CELSR1: variants seen among roughly 807,000 people sequenced by gnomAD.
The protein encoded by CELSR1 is cadherin EGF LAG seven-pass G-type receptor 1.
In CELSR1, 110 loss-of-function variants were observed where a neutral mutation model predicts 249.1. That is an observed-to-expected ratio of 0.44 (90% CI 0.38 to 0.52). CELSR1 has a LOEUF of 0.52. Ranked by LOEUF, CELSR1 falls within the 20% of genes least tolerant of loss-of-function variation. The pLI, the probability that CELSR1 is intolerant of heterozygous loss-of-function variation, is 0.00. For synonymous variants in CELSR1, 2,113 were observed against 1,900.0 expected, an observed-to-expected ratio of 1.11 and a Z score of -2.92; for missense variants, 4,109 against 4,296.4, an observed-to-expected ratio of 0.96 and a Z score of 1.22.
At chr22:46,367,967 T>C (rs1036010305) in intron 27 of CELSR1, 112 bp from the exon 28 acceptor site, 1 of 1,388,386 alleles carries the variant, frequency 7.2e-7, no homozygotes, top group African/African-American at 1.4e-5. Flanking sequence ...CATCTATCTG[T>C]CCGTCCACCT....
chr22:46,441,423 A>G lies in CELSR1; in HGVS notation c.4184-2012T>C, dbSNP rs1190210634. ...GTGTGGGGCAGCCTAATTTGATGCCAACTCAAACAGACAGAATGAAAACAC... is the reference window on the plus strand; with the variant it reads ...GTGTGGGGCAGCCTAATTTGATGCCGACTCAAACAGACAGAATGAAAACAC... On this transcript the variant is annotated intron_variant, in intron 2 of 34. Transcript: ENST00000674500. This position sits in a 1 kb window ranked among gnomAD's most constrained non-coding sequence, Gnocchi z 6.1. 6.6e-6 allele frequency among the ~76,000 whole-genome samples: 1 copy of G among 152,134 alleles called. No individual in the cohort carries two copies. Among genetic ancestry groups the G allele is most frequent in the East Asian group, 1.9e-4 (1 of 5,186 alleles).
intron 30 of CELSR1, 43 bp from the exon 31 acceptor site, chr22:46,365,732 G>T: frequency 2.0e-6 from 3 of 1,473,450 alleles, no homozygotes; most frequent in Non-Finnish European, 1.8e-6. Flanking sequence ...ATCCGTCAGG[G>T]AACAGGAGGT....
intron 5 of CELSR1, among the ~76,000 whole-genome samples, chr22:46,421,818 G>A (rs967427720): frequency 6.6e-6 from 1 of 152,140 alleles, no homozygotes; most frequent in Non-Finnish European, 1.5e-5. Flanking sequence ...TAGTGGATTT[G>A]ACAGAACACC....
intron 1 of CELSR1, among the ~76,000 whole-genome samples, chr22:46,492,600 G>A (rs1270173467): frequency 6.6e-6 from 1 of 152,156 alleles, no homozygotes; most frequent in Non-Finnish European, 1.5e-5. Flanking sequence ...GAGGCAGGCA[G>A]ATCACCTGAA....
intron 19 of CELSR1, among the ~76,000 whole-genome samples, chr22:46,385,659 G>A (rs111309438): frequency 0.078 from 11,760 of 151,062 alleles, 552 homozygotes; most frequent in African/African-American, 0.13. Flanking sequence ...GGAAACAGAG[G>A]CCTACCTGCC....
chr22:46,378,044 C>T (rs1375639590), intron 23 of CELSR1, among the ~76,000 whole-genome samples: 3 of 141,222 alleles, frequency 2.1e-5, no homozygotes, highest in Admixed American at 7.3e-5. Context: ...GCCAGGACAG[C>T]GCTCGGGCCA....
intron 1 of CELSR1, among the ~76,000 whole-genome samples, chr22:46,494,409 C>A (rs75525463): frequency 2.2e-3 from 333 of 152,328 alleles, no homozygotes; most frequent in African/African-American, 7.8e-3. Context: ...TGCACTGAAT[C>A]TACAGACCAG....
chr22:46,435,026 C>T (rs1282335993), intron 4 of CELSR1, among the ~76,000 whole-genome samples: 1 of 151,890 alleles, frequency 6.6e-6, no homozygotes, highest in Non-Finnish European at 1.5e-5. Flanking sequence ...AAAAAAAAGT[C>T]ATGTGTGCCA....
intron 1 of CELSR1, among the ~76,000 whole-genome samples, chr22:46,501,029 T>C (rs1045601235): frequency 1.4e-5 from 2 of 147,580 alleles, no homozygotes; most frequent in Non-Finnish European, 2.9e-5. Flanking sequence ...TATTTTTTAT[T>C]TTATTTTATT....
rs1057487937 is a variant in CELSR1 at position 46,367,017 on chromosome 22, G to A, written c.8181C>T (p.Ala2727=). The A allele has an allele frequency of 7.5e-6, 12 of 1,610,274 alleles. No homozygotes were observed. Among genetic ancestry groups the A allele is most frequent in the Non-Finnish European group, 1.0e-5 (12 of 1,179,508 alleles). ...CCGTCAGCAGGGTGGCCCTGGTGGT[G>A]GCGGAGTCCTCCAGGTGCAGCTTCC... is the stretch of plus-strand genomic sequence containing the variant. The part of the protein sequence containing the change: ...GGRKLHLEDS[A]TTRATLLTRS... Residue 2727 remains alanine, a synonymous_variant, in exon 29 of 35, where the codon GCC becomes GCT. Transcript: ENST00000674500.
intron 20 of CELSR1, 115 bp downstream of exon 20, chr22:46,384,428 G>T: frequency 7.9e-7 from 1 of 1,273,586 alleles, no homozygotes; most frequent in Non-Finnish European, 1.0e-6. Flanking sequence ...AGAGCACTCG[G>T]AACACTCTGG....
intron 1 of CELSR1, among the ~76,000 whole-genome samples, chr22:46,511,798 G>T (rs746127865): frequency 6.6e-6 from 1 of 152,122 alleles, no homozygotes; most frequent in African/African-American, 2.4e-5. Context: ...GTGTCTCCCT[G>T]GTATGGGGCA....
rs964737597 is a variant in CELSR1, at chr22:46,406,959, G to A, written c.5226+2037C>T. Among the ~76,000 whole-genome samples the A allele has an allele frequency of 3.3e-5, 5 of 152,242 alleles. No individual in the cohort carries two copies. Among genetic ancestry groups the A allele is most frequent in the East Asian group, 1.9e-4 (1 of 5,196 alleles). Reference sequence around the variant, plus strand: ...GCACACAGCTGATGGCGGAGGACACGCAGCCCAGACGCCGCTTTGGGAGGG... The same window carrying A: ...GCACACAGCTGATGGCGGAGGACACACAGCCCAGACGCCGCTTTGGGAGGG... On this transcript the variant is annotated intron_variant, in intron 9 of 34. Transcript: ENST00000674500. The surrounding 1 kb of genome is among the most constrained non-coding windows in gnomAD (Gnocchi z 5.4).
chr22:46,439,417 G>T lies in CELSR1; in HGVS notation c.4184-6C>A. 3 of 1,608,678 alleles carry T rather than the reference G, an allele frequency of 1.9e-6. No homozygotes were observed. The highest frequency in any genetic ancestry group is 2.5e-6 in the Non-Finnish European group (3 of 1,178,356). On this transcript the variant is annotated splice_polypyrimidine_tract_variant and splice_region_variant and intron_variant, in intron 2 of 34. Coordinates refer to ENST00000674500, the MANE Select transcript of CELSR1 (RefSeq NM_001378328.1). ...ATCCACCTCACAGTGCTCTCCTGGG[G>T]GGCGAGAGGAAGATGCCAGAGAGGA...
chr22:46,447,796 T>C lies in CELSR1; in HGVS notation c.4184-8385A>G, dbSNP rs1031283617. ...CACCACACCTGGCTAATTTTTGTATTTTAAGTAGAGACGGGGTTTCACCAT... is the reference window on the plus strand; with the variant it reads ...CACCACACCTGGCTAATTTTTGTATCTTAAGTAGAGACGGGGTTTCACCAT... On this transcript the variant is annotated intron_variant, in intron 2 of 34. Transcript: ENST00000674500. This position sits in a 1 kb window ranked among gnomAD's most constrained non-coding sequence, Gnocchi z 4.7. Among the ~76,000 whole-genome samples the C allele has an allele frequency of 1.3e-5, 2 of 152,084 alleles. No homozygotes were observed. Among genetic ancestry groups the C allele is most frequent in the African/African-American group, 4.8e-5 (2 of 41,404 alleles).
Position 46,440,492 on chromosome 22 carries a change from C to T in CELSR1, c.4184-1081G>A, listed in dbSNP as rs879370356. 2.0e-5 allele frequency among the ~76,000 whole-genome samples: 3 copies of T among 152,216 alleles called. No individual in the cohort carries two copies. The highest frequency in any genetic ancestry group is 2.9e-5 in the Non-Finnish European group (2 of 68,042). On this transcript the variant is annotated intron_variant, in intron 2 of 34. Transcript: ENST00000674500. This position sits in a 1 kb window ranked among gnomAD's most constrained non-coding sequence, Gnocchi z 4.7. ...GGGATTACAGGCGTGAGCCACCGCG[C>T]CCGGCCAGTATGATCAATCTTTAAA...
chr22:46,422,503 G>A (rs180872417), intron 5 of CELSR1, among the ~76,000 whole-genome samples: 2 of 120,160 alleles, frequency 1.7e-5, no homozygotes, highest in African/African-American at 4.2e-5. Flanking sequence ...GGAGGCCAAG[G>A]GGGGGCGGAT....
Position 46,441,223 on chromosome 22 carries a change from T to C in CELSR1, c.4184-1812A>G, listed in dbSNP as rs2079744596. ...GGACATCCAATGTGAGGATACTCAG[T>C]GCATAACCCAGCATACCCTTCAAAT... is the stretch of plus-strand genomic sequence containing the variant. On this transcript the variant is annotated intron_variant, in intron 2 of 34. Coordinates refer to ENST00000674500, the MANE Select transcript of CELSR1 (RefSeq NM_001378328.1). The surrounding 1 kb of genome is among the most constrained non-coding windows in gnomAD (Gnocchi z 6.1). 6.6e-6 allele frequency among the ~76,000 whole-genome samples: 1 copy of C among 151,304 alleles called. No individual in the cohort carries two copies. The highest frequency in any genetic ancestry group is 1.5e-5 in the Non-Finnish European group (1 of 67,930).
At chr22:46,456,262 G>A (rs1004282191) in intron 2 of CELSR1, among the ~76,000 whole-genome samples, 3 of 152,226 alleles carry the variant, frequency 2.0e-5, no homozygotes, top group East Asian at 3.8e-4. Context: ...GGCACAGCTC[G>A]CCATGAATGA....
Sources: allele counts gnomAD v4.1 joint callset (sites outside exome capture counted in the v4.1 genomes callset), GRCh38; gene constraint gnomAD v4.1.1; non-coding constraint Gnocchi (gnomAD v3.1); transcripts MANE v1.5; gene names NCBI Gene and HGNC (gene_info 2026-07-23, HGNC 2026-07-21).